The following PRKAG3 variants were observed in gnomAD, a reference collection of about 807,000 sequenced individuals.
PRKAG3 encodes 5'-AMP-activated protein kinase subunit gamma-3.
In PRKAG3, 39 loss-of-function variants were observed where a neutral mutation model predicts 56.5. The observed-to-expected ratio is 0.69, with a 90% CI of 0.53 to 0.90. PRKAG3 has a LOEUF of 0.90. Among genes scored for constraint, PRKAG3 ranks in the 40% least tolerant of loss-of-function variants. The pLI is 0.00. For missense variants in PRKAG3, 628 were observed against 627.5 expected (o/e 1.00, Z -0.01); for synonymous variants, 243 against 250.1 (o/e 0.97, Z 0.27).
rs552768205 is a variant in PRKAG3 at position 218,830,054 on chromosome 2, C to T, written c.557G>A (p.Arg186His). The T allele has an allele frequency of 1.6e-5, 26 of 1,613,956 alleles. No individual in the cohort carries two copies. In the African/African-American group the frequency reaches 1.7e-4, roughly 11 times the overall value. The stretch of plus-strand genomic sequence containing the variant: ...GTAGCAGGTGTGCTCCTGCATGAAG[C>T]GCATGTAGATCTGGGCGCCGGGTTT... The change falls in exon 4 of 13, where the codon CGC becomes CAC. Residue 186 changes from arginine to histidine, a missense_variant. Physicochemically the swap from Arg to His is conservative, Grantham distance 29 (BLOSUM62 0). Coordinates refer to ENST00000529249, the Ensembl canonical transcript of PRKAG3.
In PRKAG3 at chr2:218,828,509, C is replaced by T. The variant is rs879942377; in HGVS notation, c.715+10G>A. On this transcript the variant is annotated intron_variant, in intron 5 of 12. Transcript: ENST00000529249. Reference sequence around the variant, plus strand: ...CTCCATCTCCCTTCACCTCCCCAGCCTCTCCTCACCCACAAAGCTCTGCTT... The same window carrying T: ...CTCCATCTCCCTTCACCTCCCCAGCTTCTCCTCACCCACAAAGCTCTGCTT... 44 of 1,611,514 alleles carry T rather than the reference C, an allele frequency of 2.7e-5. No individual in the cohort carries two copies. The highest frequency in any genetic ancestry group is 3.6e-5 in the Non-Finnish European group (42 of 1,178,620).
At chr2:218,828,949 C>G (rs1327226105) in intron 4 of PRKAG3, among the ~76,000 whole-genome samples, 5 of 152,280 alleles carry the variant, frequency 3.3e-5, no homozygotes, top group African/African-American at 1.2e-4. Flanking sequence ...AGACTAAGTA[C>G]CGGAGGCATA....
At position 218,824,529 on chromosome 2, in the gene PRKAG3, C is replaced by T. The variant is rs372051661; in HGVS notation, c.1206+10G>A. 6 of 1,611,726 alleles carry T rather than the reference C, an allele frequency of 3.7e-6. No individual in the cohort carries two copies. The highest frequency in any genetic ancestry group is 3.3e-5 in the Admixed American group (2 of 60,024). ...TCCCTGCAGCATCCCACCTTTCCAG[C>T]GACACTTACAATCACATCAAAGCGG... On this transcript the variant is annotated intron_variant, in intron 11 of 12. Coordinates refer to ENST00000529249, the Ensembl canonical transcript of PRKAG3.
intron 12 of PRKAG3, 80 bp from the exon 13 acceptor site, chr2:218,823,958 G>A (rs1211545047): frequency 2.1e-6 from 3 of 1,414,936 alleles, no homozygotes; most frequent in Non-Finnish European, 3.0e-6. Flanking sequence ...AGAATCAGGG[G>A]AAACAACCCA....
intron 1 of PRKAG3, 21 bp from the exon 2 acceptor site, chr2:218,831,396 G>T: frequency 6.3e-7 from 1 of 1,590,910 alleles, no homozygotes; most frequent in Non-Finnish European, 8.6e-7. Context: ...AAGAGTTTCT[G>T]AAGGAGTGGG....
In PRKAG3 at chr2:218,827,309, C is replaced by G; in HGVS notation, c.940G>C (p.Val314Leu). The change falls in exon 9 of 13, where the codon GTG becomes CTG. Residue 314 changes from valine to leucine, a missense_variant. Physicochemically the swap from Val to Leu is conservative, Grantham distance 32 (BLOSUM62 1). Coordinates refer to ENST00000529249, the Ensembl canonical transcript of PRKAG3. This position sits in a 1 kb window ranked among gnomAD's most constrained non-coding sequence, Gnocchi z 5.3. Reference sequence around the variant, plus strand: ...AGGATGTGGAGTACGTTGCCTGACACCGGGTCAAGAACAGGCAGGCGATGG... The same window carrying G: ...AGGATGTGGAGTACGTTGCCTGACAGCGGGTCAAGAACAGGCAGGCGATGG... The G allele has an allele frequency of 1.2e-6, 2 of 1,614,138 alleles. No homozygotes were observed. The highest frequency in any genetic ancestry group is 1.7e-6 in the Non-Finnish European group (2 of 1,180,032).
In PRKAG3 at chr2:218,827,442, A is replaced by G; in HGVS notation, c.876-69T>C. The G allele has an allele frequency of 1.2e-6, 2 of 1,610,648 alleles. No individual in the cohort carries two copies. Among genetic ancestry groups the G allele is most frequent in the South Asian group, 2.2e-5 (2 of 90,866 alleles). On this transcript the variant is annotated intron_variant, in intron 8 of 12. Coordinates refer to ENST00000529249, the Ensembl canonical transcript of PRKAG3. This position sits in a 1 kb window ranked among gnomAD's most constrained non-coding sequence, Gnocchi z 5.3. ...GACAACCTCCATCCCAGGCCCCTAAAAAGGAGGGCAGGGCACCAAGGCTCC... is the reference window on the plus strand; with the variant it reads ...GACAACCTCCATCCCAGGCCCCTAAGAAGGAGGGCAGGGCACCAAGGCTCC...
chr2:218,824,655 G>T, intron 10 of PRKAG3, 79 bp from the exon 11 acceptor site: 1 of 1,306,466 alleles, frequency 7.7e-7, no homozygotes, highest in South Asian at 1.2e-5. Flanking sequence ...CTGTGTAGAG[G>T]GCCTAGGGCT....
intron 5 of PRKAG3, among the ~76,000 whole-genome samples, 162 bp from the exon 6 acceptor site, chr2:218,828,224 CTCTT>C (rs1286573285): frequency 2.6e-5 from 4 of 152,326 alleles, no homozygotes; most frequent in African/African-American, 7.2e-5. Context: ...AGAAGTGGGG[CTCTT>C]TCTCTCCTGC....
intron 4 of PRKAG3, 49 bp from the exon 5 acceptor site, chr2:218,828,649 C>A: frequency 6.6e-7 from 1 of 1,517,942 alleles, no homozygotes. Flanking sequence ...GAGACCCTCA[C>A]CCCCCTCTCT....
exon 13 of PRKAG3, chr2:218,823,679 G>C: frequency 1.2e-6 from 2 of 1,605,190 alleles, no homozygotes; most frequent in East Asian, 4.5e-5. Context: ...ATGGGGGTGG[G>C]GGAAGATGAA....
At chr2:218,824,476 C>T (rs1198715181) in intron 11 of PRKAG3, 63 bp downstream of exon 11, 3 of 1,603,726 alleles carry the variant, frequency 1.9e-6, no homozygotes, top group African/African-American at 2.7e-5. Flanking sequence ...TCCACAGAGG[C>T]CCCCCACCCA....
At chr2:218,825,207 G>A (rs994767997) in intron 10 of PRKAG3, among the ~76,000 whole-genome samples, 3 of 151,860 alleles carry the variant, frequency 2.0e-5, no homozygotes, top group East Asian at 3.9e-4. Flanking sequence ...GTGATGGCAC[G>A]CACCTGTAAA....
At position 218,831,449 on chromosome 2, in the gene PRKAG3, G is replaced by A. The variant is rs1358583022; in HGVS notation, c.34-74C>T. 2.2e-5 allele frequency: 30 copies of A among 1,352,202 alleles called. No individual in the cohort carries two copies. In the East Asian group the frequency reaches 5.6e-4, roughly 25 times the overall value. The allele number at this position is 1,352,202 out of a possible 1,614,324, so 83.8% of individuals were successfully genotyped here. Reference sequence around the variant, plus strand: ...CCAAACCCCTTCTCCCTGAACACACGCCTACACACCCATGCACACCAATAC... The same window carrying A: ...CCAAACCCCTTCTCCCTGAACACACACCTACACACCCATGCACACCAATAC... On this transcript the variant is annotated intron_variant, in intron 1 of 12. Transcript: ENST00000529249.
Position 218,827,529 on chromosome 2 carries a change from G to T in PRKAG3, c.875+46C>A, listed in dbSNP as rs1358681691. ...CAGAGCTGAGTGGGACTGGGGAAGG[G>T]GACTGTGGGAGGAGGAGGCTCAGGT... On this transcript the variant is annotated intron_variant, in intron 8 of 12. Coordinates refer to ENST00000529249, the Ensembl canonical transcript of PRKAG3. The surrounding 1 kb of genome is among the most constrained non-coding windows in gnomAD (Gnocchi z 5.3). The T allele has an allele frequency of 3.1e-6, 5 of 1,604,590 alleles. No individual in the cohort carries two copies. In the African/African-American group the frequency reaches 5.4e-5, roughly 17 times the overall value.
chr2:218,827,740 G>C lies in PRKAG3; in HGVS notation c.820+93C>G. On this transcript the variant is annotated intron_variant, in intron 7 of 12. Transcript: ENST00000529249. The surrounding 1 kb of genome is among the most constrained non-coding windows in gnomAD (Gnocchi z 5.3). ...CCGAGGCTCCTATTGTCCCTCCCCT[G>C]TTCACTCCAGGACATCCCCACTGCC... is the stretch of plus-strand genomic sequence containing the variant. 6.4e-7 allele frequency: 1 copy of C among 1,558,580 alleles called. No individual in the cohort carries two copies. Among genetic ancestry groups the C allele is most frequent in the Admixed American group, 1.7e-5 (1 of 59,636 alleles).
chr2:218,830,130 G>C lies in PRKAG3; in HGVS notation c.481C>G (p.Leu161Val), dbSNP rs753957845. 5 of 1,613,576 alleles carry C rather than the reference G, an allele frequency of 3.1e-6. No individual in the cohort carries two copies. In the South Asian group the frequency reaches 5.5e-5, roughly 18 times the overall value. The change falls in exon 4 of 13, where the codon CTG becomes GTG. Residue 161 changes from leucine to valine, a missense_variant. By Grantham distance (32) the Leu-to-Val change is conservative (BLOSUM62 1). Transcript: ENST00000529249. ...TTGGGAAATGGGGCCTGCGGGGACA[G>C]GCACAGGGCAGGCCTCTCTTCCAGC... is the stretch of plus-strand genomic sequence containing the variant.
downstream of PRKAG3, chr2:218,822,778 G>T: frequency 1.5e-6 from 1 of 674,184 alleles, no homozygotes; most frequent in Non-Finnish European, 1.8e-6. Context: ...GACGTTGCTG[G>T]GAACAACAGC....
chr2:218,827,472 T>C lies in PRKAG3; in HGVS notation c.876-99A>G, dbSNP rs1943950698. 2.5e-6 allele frequency: 4 copies of C among 1,602,240 alleles called. No homozygotes were observed. Among genetic ancestry groups the C allele is most frequent in the Admixed American group, 1.7e-5 (1 of 59,978 alleles). On this transcript the variant is annotated intron_variant, in intron 8 of 12. Transcript: ENST00000529249. The surrounding 1 kb of genome is among the most constrained non-coding windows in gnomAD (Gnocchi z 5.3). Reference sequence around the variant, plus strand: ...AGGGCAGGGCACCAAGGCTCCCTTGTCTGTGTGCCGCCTAGGATGAAGAGG... The same window carrying C: ...AGGGCAGGGCACCAAGGCTCCCTTGCCTGTGTGCCGCCTAGGATGAAGAGG...
Sources: gnomAD v4.1 joint callset for allele counts (sites outside exome capture counted in the v4.1 genomes callset) on GRCh38, gnomAD v4.1.1 for gene constraint, Gnocchi (gnomAD v3.1) non-coding constraint, MANE v1.5 for transcripts, NCBI Gene and HGNC (gene_info 2026-07-23, HGNC 2026-07-21) for gene names.